Variants in DNAH8 observed in about 807,000 individuals in gnomAD.
DNAH8 encodes the protein axonemal beta dynein heavy chain 8.
In DNAH8, 382 loss-of-function variants were observed where a neutral mutation model predicts 562.1. The observed-to-expected ratio is 0.68, with a 90% CI of 0.63 to 0.74. The LOEUF is 0.74. Ranked by LOEUF, DNAH8 falls within the 30% of genes least tolerant of loss-of-function variation. The probability of loss-of-function intolerance (pLI) is 0.00; values close to 1 mark genes in which losing one functional copy is unlikely to be tolerated. For synonymous variants in DNAH8, 1,881 were observed against 1,919.4 expected (o/e 0.98, Z 0.52); for missense variants, 5,203 against 5,620.4 (o/e 0.93, Z 2.37).
chr6:39,008,364 A>G (rs1033491427), intron 88 of DNAH8, among the ~76,000 whole-genome samples: 4 of 152,052 alleles, frequency 2.6e-5, no homozygotes, highest in African/African-American at 9.7e-5. Flanking sequence ...AAAAGACGAA[A>G]ATATTTTAAT....
intron 87 of DNAH8, among the ~76,000 whole-genome samples, chr6:38,985,041 A>G (rs1764293525): frequency 6.6e-6 from 1 of 152,190 alleles, no homozygotes; most frequent in African/African-American, 2.4e-5. Context: ...AAGCCCCAAA[A>G]TAAGTGATTG....
intron 91 of DNAH8, among the ~76,000 whole-genome samples, chr6:39,013,146 T>C (rs1224011288): frequency 6.6e-6 from 1 of 152,230 alleles, no homozygotes; most frequent in Non-Finnish European, 1.5e-5. Context: ...ATAATTCTGC[T>C]TCATTTATTC....
intron 24 of DNAH8, among the ~76,000 whole-genome samples, chr6:38,809,343 A>G (rs1364785014): frequency 6.6e-6 from 1 of 152,110 alleles, no homozygotes; most frequent in Admixed American, 6.5e-5. Context: ...CTACTTCATA[A>G]TGTCTTCCAA....
chr6:38,940,425 G>A (rs930788055), intron 79 of DNAH8, among the ~76,000 whole-genome samples: 54 of 152,266 alleles, frequency 3.5e-4, no homozygotes, highest in African/African-American at 1.2e-3. Context: ...TGTGATTTTA[G>A]GACCTGTTTA....
intron 41 of DNAH8, among the ~76,000 whole-genome samples, 174 bp downstream of exon 41, chr6:38,853,521 A>T (rs933377366): frequency 3.9e-5 from 6 of 152,258 alleles, no homozygotes; most frequent in African/African-American, 1.4e-4. Flanking sequence ...GTCAACCTAC[A>T]CCATTCTAGA....
intron 21 of DNAH8, among the ~76,000 whole-genome samples, chr6:38,800,679 G>A (rs1294950435): frequency 6.6e-6 from 1 of 152,060 alleles, no homozygotes; most frequent in Non-Finnish European, 1.5e-5. Flanking sequence ...ACCATGCCCG[G>A]TTAATGTTTG....
chr6:38,792,958 T>G, intron 21 of DNAH8, among the ~76,000 whole-genome samples: 1 of 152,086 alleles, frequency 6.6e-6, no homozygotes, highest in East Asian at 1.9e-4. Flanking sequence ...AAAAACATTT[T>G]TTTTGTAGAG....
At chr6:38,793,406 A>T (rs948891592) in intron 21 of DNAH8, among the ~76,000 whole-genome samples, 2 of 152,138 alleles carry the variant, frequency 1.3e-5, no homozygotes, top group African/African-American at 4.8e-5. Flanking sequence ...ATCATTATTA[A>T]GTTTTTTATC....
intron 9 of DNAH8, among the ~76,000 whole-genome samples, chr6:38,753,315 C>A (rs1384579421): frequency 6.6e-6 from 1 of 152,136 alleles, no homozygotes; most frequent in East Asian, 1.9e-4. Context: ...AGCTCAATGA[C>A]TTAATTCCCC....
At position 39,012,197 on chromosome 6, in the gene DNAH8, T is replaced by C. The variant is rs1029016179; in HGVS notation, c.13372-18T>C. 1.3e-6 allele frequency: 2 copies of C among 1,568,710 alleles called. No individual in the cohort carries two copies. Among genetic ancestry groups the C allele is most frequent in the African/African-American group, 2.7e-5 (2 of 73,620 alleles). ...AGATGAGAAAATCTCCTTTATTGCA[T>C]TGTTTACTTTGTTTTAGGTGAAATC... On this transcript the variant is annotated intron_variant, in intron 89 of 92. Transcript: ENST00000327475.
intron 24 of DNAH8, among the ~76,000 whole-genome samples, chr6:38,810,705 C>T (rs1771721404): frequency 6.6e-6 from 1 of 152,078 alleles, no homozygotes; most frequent in Non-Finnish European, 1.5e-5. Flanking sequence ...ATATTTTATT[C>T]CTGTTTGATG....
At chr6:38,899,717 A>G (rs1283300417) in intron 61 of DNAH8, 59 bp from the exon 62 acceptor site, 1 of 1,594,070 alleles carries the variant, frequency 6.3e-7, no homozygotes, top group Non-Finnish European at 8.6e-7. Flanking sequence ...CATTTAGTGC[A>G]AGAAAATGTA....
At position 39,012,579 on chromosome 6, in the gene DNAH8, G is replaced by A. The variant is rs199734117; in HGVS notation, c.13656G>A (p.Thr4552=). 1.4e-5 allele frequency: 22 copies of A among 1,614,062 alleles called. No individual in the cohort carries two copies. The highest frequency in any genetic ancestry group is 8.8e-5 in the South Asian group (8 of 91,078). The change falls in exon 91 of 93, where the codon ACG becomes ACA. Residue 4552 remains threonine, a synonymous_variant. Coordinates refer to ENST00000327475, the MANE Select transcript of DNAH8 (RefSeq NM_001206927.2). ...TGGAAAGAAATGCTCAGTTTTCTAC[G>A]TGGATATTTGAAGGGAGGCCTAATG... is the stretch of plus-strand genomic sequence containing the variant. ...ELLERNAQFS[T]WIFEGRPNVF...
At position 39,008,809 on chromosome 6, in the gene DNAH8, A is replaced by G; in HGVS notation, c.13215-5A>G. ...ACATTCTGAACAGCTCACTCTTTTT[A>G]CTAGGTATCAGAGTAACACTGCTTC... On this transcript the variant is annotated splice_region_variant and splice_polypyrimidine_tract_variant and intron_variant, in intron 88 of 92. Coordinates refer to ENST00000327475, the MANE Select transcript of DNAH8 (RefSeq NM_001206927.2). 1 of 1,576,084 alleles carries G rather than the reference A, an allele frequency of 6.3e-7. No individual in the cohort carries two copies. The highest frequency in any genetic ancestry group is 1.1e-5 in the South Asian group (1 of 88,518).
intron 26 of DNAH8, among the ~76,000 whole-genome samples, chr6:38,816,375 T>C (rs1772274992): frequency 6.6e-6 from 1 of 152,214 alleles, no homozygotes; most frequent in African/African-American, 2.4e-5. Context: ...CCAAGGATAA[T>C]GGCTTCCGGC....
Position 38,935,686 on chromosome 6 carries a change from G to T in DNAH8, c.11552G>T (p.Ser3851Ile). ...GAAGATAACCTCCTCTATAAATTAA[G>T]TGCTACAAAAGGTATTGTGTTATTA... ...ELEDNLLYKL[S>I]ATKGSLVDDE... is the part of the protein sequence containing the mutation. Residue 3851 changes from serine to isoleucine, a missense_variant, in exon 77 of 93, where the codon AGT becomes ATT. Around this residue, in one of 6 missense-constraint regions of DNAH8, gnomAD observed 1,399 missense variants for 1,518.4 expected, o/e 0.92. Transcript: ENST00000327475. 1 of 1,605,850 alleles carries T rather than the reference G, an allele frequency of 6.2e-7. No individual in the cohort carries two copies. The highest frequency in any genetic ancestry group is 8.5e-7 in the Non-Finnish European group (1 of 1,174,706).
At chr6:38,832,628 T>C (rs922236423) in intron 31 of DNAH8, among the ~76,000 whole-genome samples, 193 bp downstream of exon 31, 3 of 152,150 alleles carry the variant, frequency 2.0e-5, no homozygotes, top group Admixed American at 6.5e-5. Flanking sequence ...CTTGGCCATA[T>C]TGGAAAAAGA....
intron 9 of DNAH8, among the ~76,000 whole-genome samples, chr6:38,754,261 A>T (rs925036475): frequency 3.3e-5 from 5 of 152,084 alleles, no homozygotes; most frequent in African/African-American, 1.2e-4. Flanking sequence ...TTCCTGAAGG[A>T]CCCATTTGAT....
rs146560083 is a variant in DNAH8, at chr6:38,734,600, C to T, written c.737C>T (p.Ala246Val). Residue 246 changes from alanine (A) to valine (V), a missense_variant, in exon 5 of 93, where the codon GCT (alanine) becomes GTT (valine). By Grantham distance (64) the Ala-to-Val change is moderately conservative (BLOSUM62 0). Around this residue, in one of 6 missense-constraint regions of DNAH8, gnomAD observed 556 missense variants for 496.9 expected, o/e 1.12. Transcript: ENST00000327475. ...IFFVRCRNDV[A>V]INVKTIQEEA... ...TTTGTTCGTTGCCGTAATGATGTTG[C>T]TATAAATGTTAAAACTATTCAAGAG... 2.3e-4 allele frequency: 364 copies of T among 1,613,088 alleles called. 2 individuals are homozygous for T. Among genetic ancestry groups the T allele is most frequent in the Middle Eastern group, 3.6e-4 (2 of 5,612 alleles).
Sources: gnomAD v4.1 joint callset for allele counts (sites outside exome capture counted in the v4.1 genomes callset) on GRCh38, gnomAD v4.1.1 for gene constraint, gnomAD v4.1.1 regional missense constraint, MANE v1.5 for transcripts, NCBI Gene and HGNC (gene_info 2026-07-23, HGNC 2026-07-21) for gene names.